CHRM2: variants seen among roughly 807,000 people sequenced by gnomAD.
CHRM2 encodes cholinergic receptor muscarinic 2.
Under a neutral mutation model 25.0 loss-of-function variants are expected in CHRM2, and 8 were observed. The ratio of observed to expected loss-of-function variants is 0.32; its 90% CI spans 0.19 to 0.58. CHRM2 has a LOEUF of 0.58. CHRM2 is among the 20% of genes least tolerant of loss of function. CHRM2 has a pLI of 0.88. For synonymous variants in CHRM2, 202 were observed against 205.7 expected (o/e 0.98, Z 0.15); for missense variants, 440 against 567.1 (o/e 0.78, Z 2.28).
At chr7:136,915,495 A>G (rs1195320800) in intron 2 of CHRM2, among the ~76,000 whole-genome samples, 1 of 151,832 alleles carries the variant, frequency 6.6e-6, no homozygotes, top group Non-Finnish European at 1.5e-5. Context: ...ATCCCATTTT[A>G]TGTTTTATAT....
chr7:136,992,737 C>T (rs758605393), intron 3 of CHRM2, among the ~76,000 whole-genome samples: 7 of 152,198 alleles, frequency 4.6e-5, no homozygotes, highest in South Asian at 4.1e-4. Flanking sequence ...CTCTCTCCCT[C>T]TGTCTTTCTC....
At chr7:136,898,788 T>C (rs1310269618) in intron 2 of CHRM2, 1 of 151,862 alleles carries the variant, frequency 6.6e-6, no homozygotes, top group East Asian at 1.9e-4. Context: ...ATCAAAAGAG[T>C]AAAATAAACA....
At chr7:136,959,404 A>G (rs1800926629) in intron 2 of CHRM2, among the ~76,000 whole-genome samples, 1 of 152,236 alleles carries the variant, frequency 6.6e-6, no homozygotes, top group East Asian at 1.9e-4. Context: ...TGTGGATACC[A>G]ACATCTGGTT....
At chr7:136,998,594 A>G (rs985816734) in intron 3 of CHRM2, among the ~76,000 whole-genome samples, 1 of 152,170 alleles carries the variant, frequency 6.6e-6, no homozygotes, top group Admixed American at 6.6e-5. Flanking sequence ...ACAAAAATCA[A>G]ACTCAGAGAA....
intron 2 of CHRM2, among the ~76,000 whole-genome samples, chr7:136,923,926 T>A (rs1466273114): frequency 1.3e-5 from 2 of 152,084 alleles, no homozygotes; most frequent in Non-Finnish European, 2.9e-5. Flanking sequence ...GGTGGCAGGA[T>A]CATTTGAGTT....
chr7:136,904,705 T>C (rs1037036437), intron 2 of CHRM2, among the ~76,000 whole-genome samples: 11 of 151,940 alleles, frequency 7.2e-5, no homozygotes, highest in African/African-American at 1.9e-4. Flanking sequence ...ATTGGGAACA[T>C]TTATAGCTAT....
At chr7:137,003,699 G>A (rs916462123) in intron 3 of CHRM2, among the ~76,000 whole-genome samples, 1 of 152,094 alleles carries the variant, frequency 6.6e-6, no homozygotes, top group Non-Finnish European at 1.5e-5. Context: ...GACAATGCAT[G>A]CTAAACCAAC....
At chr7:136,980,415 C>T (rs1163933130) in intron 2 of CHRM2, among the ~76,000 whole-genome samples, 1 of 152,164 alleles carries the variant, frequency 6.6e-6, no homozygotes, top group Non-Finnish European at 1.5e-5. Flanking sequence ...TTCCTCTCTT[C>T]CTATTTGAAT....
intron 3 of CHRM2, among the ~76,000 whole-genome samples, chr7:137,013,138 A>G (rs1224663684): frequency 4.6e-5 from 7 of 152,088 alleles, no homozygotes; most frequent in East Asian, 1.9e-4. Flanking sequence ...ATAATTTTCT[A>G]TCGTGCAATT....
chr7:136,987,722 A>G (rs1477159277), intron 2 of CHRM2, among the ~76,000 whole-genome samples: 2 of 152,180 alleles, frequency 1.3e-5, no homozygotes, highest in African/African-American at 2.4e-5. Context: ...GACTATTTCC[A>G]AAAGGTTAGC....
intron 2 of CHRM2, among the ~76,000 whole-genome samples, chr7:136,977,725 A>G (rs921682740): frequency 6.6e-6 from 1 of 152,152 alleles, no homozygotes; most frequent in African/African-American, 2.4e-5. Flanking sequence ...AAGGAGGTAA[A>G]AGAATCATTG....
intron 2 of CHRM2, among the ~76,000 whole-genome samples, chr7:136,942,824 A>G (rs1799850557): frequency 6.6e-6 from 1 of 152,114 alleles, no homozygotes; most frequent in South Asian, 2.1e-4. Flanking sequence ...ACAATGCACA[A>G]GAGAATTTTT....
intron 2 of CHRM2, among the ~76,000 whole-genome samples, chr7:136,974,942 T>C (rs897980147): frequency 6.6e-6 from 1 of 152,142 alleles, no homozygotes; most frequent in Non-Finnish European, 1.5e-5. Flanking sequence ...TGGTGGCAAC[T>C]AATATATAGA....
chr7:136,927,699 T>A lies in CHRM2; in HGVS notation c.-125+58281T>A, dbSNP rs539014814. Among the ~76,000 whole-genome samples, 9 of 152,304 alleles carry A rather than the reference T, an allele frequency of 5.9e-5. No homozygotes were observed. In the South Asian group the frequency reaches 1.4e-3, roughly 25 times the overall value. On this transcript the variant is annotated intron_variant, in intron 2 of 3. Transcript: ENST00000680005. ...TAATGGTTTTATTCAAATGACAAGT[T>A]GTTTGAGATCGGTGTGGAAATGGAA...
intron 2 of CHRM2, among the ~76,000 whole-genome samples, chr7:136,951,408 T>G (rs1250302878): frequency 6.6e-6 from 1 of 152,146 alleles, no homozygotes; most frequent in Admixed American, 6.5e-5. Flanking sequence ...GAAATGACAC[T>G]TGGCGAAGAA....
chr7:137,006,835 C>T (rs923000298), intron 3 of CHRM2, among the ~76,000 whole-genome samples: 2 of 151,900 alleles, frequency 1.3e-5, no homozygotes, highest in Admixed American at 1.3e-4. Flanking sequence ...AGATGGACAA[C>T]TTATACATCC....
chr7:136,892,106 C>T (rs1796713445), intron 2 of CHRM2, among the ~76,000 whole-genome samples: 1 of 152,186 alleles, frequency 6.6e-6, no homozygotes, highest in African/African-American at 2.4e-5. Context: ...AGATACAAAG[C>T]AAGCTCGAAT....
chr7:136,940,957 C>A (rs1799737581), intron 2 of CHRM2, among the ~76,000 whole-genome samples: 1 of 152,120 alleles, frequency 6.6e-6, no homozygotes, highest in African/African-American at 2.4e-5. Flanking sequence ...TGTCTCCTAA[C>A]ATTTGAAGGA....
Position 137,015,299 on chromosome 7 carries a change from C to T in CHRM2, c.434C>T (p.Ala145Val), listed in dbSNP as rs1805096419. The change falls in exon 4 of 4, where the codon GCA becomes GTA. Residue 145 changes from alanine to valine, a missense_variant. Coordinates refer to ENST00000680005, the MANE Select transcript of CHRM2 (RefSeq NM_001006630.2). This position sits in a 1 kb window ranked among gnomAD's most constrained non-coding sequence, Gnocchi z 5.1. Reference protein sequence around the residue: ...RTTKMAGMMIAAAWVLSFILW... With the variant: ...RTTKMAGMMIVAAWVLSFILW... ...ACAAAAATGGCAGGTATGATGATTG[C>T]AGCTGCCTGGGTCCTCTCTTTCATC... 17 of 1,613,238 alleles carry T rather than the reference C, an allele frequency of 1.1e-5. No individual in the cohort carries two copies. The highest frequency in any genetic ancestry group is 1.4e-5 in the Non-Finnish European group (17 of 1,179,624).
Sources: gnomAD v4.1 joint callset for allele counts (sites outside exome capture counted in the v4.1 genomes callset) on GRCh38, gnomAD v4.1.1 for gene constraint, Gnocchi (gnomAD v3.1) non-coding constraint, MANE v1.5 for transcripts, NCBI Gene and HGNC (gene_info 2026-07-23, HGNC 2026-07-21) for gene names.